The following NLGN4X variants were observed in gnomAD, a reference collection of about 807,000 sequenced individuals.
The protein encoded by NLGN4X is neuroligin-4, X-linked.
A neutral mutation model predicts 40.3 loss-of-function variants in NLGN4X; 3 were observed. That is an observed-to-expected ratio of 0.07 (90% CI 0.03 to 0.19). The LOEUF (loss-of-function observed/expected upper bound fraction) is 0.19. Among genes scored for constraint, NLGN4X ranks in the 10% least tolerant of loss-of-function variants. The probability of loss-of-function intolerance (pLI) is 1.00; values close to 1 mark genes in which losing one functional copy is unlikely to be tolerated. For synonymous variants in NLGN4X, 270 were observed against 306.8 expected, an observed-to-expected ratio of 0.88 and a Z score of 1.25; for missense variants, 382 against 708.3, an observed-to-expected ratio of 0.54 and a Z score of 5.23.
intron 3 of NLGN4X, among the ~76,000 whole-genome samples, chrX:5,925,825 CATATATATATATATATAT>C (rs1181288808): frequency 2.3e-5 from 1 of 43,364 alleles, no homozygotes; most frequent in African/African-American, 1.3e-4. Context: ...TGAATCCCAC[CATATATATATATATATAT>C]ACATACACAT....
At chrX:5,995,995 CT>C (rs1428045414) in intron 3 of NLGN4X, among the ~76,000 whole-genome samples, 1 of 111,867 alleles carries the variant, frequency 8.9e-6, no homozygotes, top group Non-Finnish European at 1.9e-5. Flanking sequence ...TACAATTAAA[CT>C]TTTTTTATAA....
At chrX:6,186,557 G>T (rs1240483602) in intron 1 of NLGN4X, among the ~76,000 whole-genome samples, 1 of 111,963 alleles carries the variant, frequency 8.9e-6, no homozygotes, top group African/African-American at 3.3e-5. Flanking sequence ...AACTAGGGAG[G>T]AAAAACAGGC....
chrX:6,074,639 C>A (rs1415133435), intron 2 of NLGN4X, among the ~76,000 whole-genome samples: 5 of 111,342 alleles, frequency 4.5e-5, no homozygotes, highest in African/African-American at 9.8e-5. Context: ...CAATGGCAGG[C>A]AGTAGAAACA....
intron 3 of NLGN4X, among the ~76,000 whole-genome samples, chrX:5,930,102 C>G (rs1473828007): frequency 9.0e-6 from 1 of 111,497 alleles, no homozygotes; most frequent in Non-Finnish European, 1.9e-5. Flanking sequence ...GAGAACTTTC[C>G]TGCTTCTTCT....
intron 1 of NLGN4X, among the ~76,000 whole-genome samples, chrX:6,172,257 C>A (rs768220368): frequency 8.9e-6 from 1 of 112,257 alleles, no homozygotes; most frequent in South Asian, 3.7e-4. Flanking sequence ...AGTTTCAATT[C>A]ATTCACTATG....
intron 5 of NLGN4X, among the ~76,000 whole-genome samples, chrX:5,900,560 CTTTTTTTTTTTTTTTTTTT>C (rs1163973694): frequency 2.2e-5 from 1 of 45,596 alleles, no homozygotes; most frequent in Admixed American, 3.3e-4. Flanking sequence ...GTTTTTGGTG[CTTTTTTTTTTTTTTTTTTT>C]TTTTTTTTTT....
chrX:5,903,891 G>A (rs1315127632), intron 4 of NLGN4X, 25 bp from the exon 5 acceptor site: 21 of 1,207,819 alleles, frequency 1.7e-5, no homozygotes, highest in Non-Finnish European at 2.4e-5. Context: ...TTGTGGACAT[G>A]CAAATGAAAA....
chrX:6,182,806 G>A (rs1011040781), intron 1 of NLGN4X, among the ~76,000 whole-genome samples: 10 of 111,849 alleles, frequency 8.9e-5, no homozygotes, highest in African/African-American at 3.3e-4. Flanking sequence ...GCCTTCCGAA[G>A]GAAGGAGCCC....
intron 1 of NLGN4X, among the ~76,000 whole-genome samples, chrX:6,159,560 A>G: frequency 8.9e-6 from 1 of 111,972 alleles, no homozygotes; most frequent in Non-Finnish European, 1.9e-5. Context: ...GACAAGCCCA[A>G]GGCAATAGAC....
chrX:6,164,876 G>A (rs1017201820), intron 1 of NLGN4X, among the ~76,000 whole-genome samples: 2 of 111,421 alleles, frequency 1.8e-5, no homozygotes, highest in Non-Finnish European at 3.8e-5. Flanking sequence ...TGCTCTGGCA[G>A]CCTACACTCT....
In NLGN4X at chrX:6,121,195, A is replaced by G. The variant is rs751727888; in HGVS notation, c.472+29800T>C. Among the ~76,000 whole-genome samples the G allele has an allele frequency of 2.7e-5, 3 of 110,458 alleles. No homozygotes were observed. The East Asian group carries it at 8.6e-4, about 32-fold the overall frequency. On this transcript the variant is annotated intron_variant, in intron 2 of 5. Coordinates refer to ENST00000381095, the MANE Select transcript of NLGN4X (RefSeq NM_181332.3). ...ACACACACACATATATATCGCCTCA[A>G]TGGCAGAAGAAATCTTATGGTACAT...
chrX:5,963,884 A>G (rs2034741280), intron 3 of NLGN4X, among the ~76,000 whole-genome samples: 1 of 112,363 alleles, frequency 8.9e-6, no homozygotes, highest in South Asian at 3.7e-4. Context: ...TCCTTCTATA[A>G]AAAACCCAAG....
chrX:6,018,086 A>G (rs2036437101), intron 3 of NLGN4X, among the ~76,000 whole-genome samples: 1 of 111,505 alleles, frequency 9.0e-6, no homozygotes, highest in Non-Finnish European at 1.9e-5. Flanking sequence ...ATATACACAC[A>G]TATAGATCTG....
chrX:5,946,429 C>T (rs184474773), intron 3 of NLGN4X, among the ~76,000 whole-genome samples: 116 of 111,477 alleles, frequency 1.0e-3, no homozygotes, highest in African/African-American at 3.6e-3. Flanking sequence ...TGTACAGTCT[C>T]TGTACAAATC....
At chrX:6,209,743 C>G (rs1924393604) in intron 1 of NLGN4X, among the ~76,000 whole-genome samples, 1 of 112,465 alleles carries the variant, frequency 8.9e-6, no homozygotes, top group Non-Finnish European at 1.9e-5. Context: ...GATACACACA[C>G]ATACACACAC....
rs781685159 is a variant in NLGN4X, at chrX:6,046,862, T to C, written c.473-17430A>G. Among the ~76,000 whole-genome samples, 326 of 75,277 alleles carry C rather than the reference T, an allele frequency of 4.3e-3. 1 individual carries two copies. The highest frequency in any genetic ancestry group is 0.014 in the African/African-American group (306 of 21,833). The allele number at this position is 75,277 out of a possible 115,157, so 65.4% of individuals were successfully genotyped here. A position where few individuals can be genotyped will look rare whatever the true frequency, so the allele number is the denominator to read the frequency against. ...TATATATTATAAACACATATATATA[T>C]ACACATGTCTGTATACATACATATA... is the stretch of plus-strand genomic sequence containing the variant. On this transcript the variant is annotated intron_variant, in intron 2 of 5. Transcript: ENST00000381095.
At chrX:6,195,735 T>C (rs1922979587) in intron 1 of NLGN4X, among the ~76,000 whole-genome samples, 1 of 111,847 alleles carries the variant, frequency 8.9e-6, no homozygotes, top group Admixed American at 9.5e-5. Context: ...TAGTGTGCAT[T>C]GTATCTGACT....
At chrX:6,035,863 TG>T (rs201010993) in intron 2 of NLGN4X, among the ~76,000 whole-genome samples, 15,886 of 111,554 alleles carry the variant, frequency 0.14, 1,029 homozygotes, top group Non-Finnish European at 0.2. Flanking sequence ...ATTTTCTTAA[TG>T]GTATTTTCTT....
rs57896109 is a variant in NLGN4X at position 6,070,849 on chromosome X, TA to T, written c.473-41418del. ...GAAGGAGGAACCTGCCAGACACTTTTAAAACCATCAGATCTCGTGAGAACTC... is the reference window on the plus strand; with the variant it reads ...GAAGGAGGAACCTGCCAGACACTTTTAAACCATCAGATCTCGTGAGAACTC... On this transcript the variant is annotated intron_variant, in intron 2 of 5. Coordinates refer to ENST00000381095, the MANE Select transcript of NLGN4X (RefSeq NM_181332.3). Among the ~76,000 whole-genome samples the T allele has an allele frequency of 4.3e-3, 479 of 111,515 alleles. 4 individuals are homozygous for T. Among genetic ancestry groups the T allele is most frequent in the African/African-American group, 0.013 (398 of 30,657 alleles).
Sources: allele counts gnomAD v4.1 joint callset (sites outside exome capture counted in the v4.1 genomes callset), GRCh38; gene constraint gnomAD v4.1.1; transcripts MANE v1.5; gene names NCBI Gene and HGNC (gene_info 2026-07-23, HGNC 2026-07-21).